TPRG1: variants seen among roughly 807,000 people sequenced by gnomAD.
The protein encoded by TPRG1 is tumor protein p63 regulated 1, also known as tumor protein p63-regulated gene 1 protein.
Under a neutral mutation model 29.3 loss-of-function variants are expected in TPRG1, and 29 were observed. That is an observed-to-expected ratio of 0.99 (90% confidence interval 0.74 to 1.35). TPRG1 has a LOEUF of 1.35. TPRG1 is among the 40% of genes most tolerant of loss of function. TPRG1 has a pLI of 0.00. For missense variants in TPRG1, 327 were observed against 335.0 expected, an observed-to-expected ratio of 0.98 and a Z score of 0.19; for synonymous variants, 130 against 116.8, an observed-to-expected ratio of 1.11 and a Z score of -0.73.
At chr3:189,082,601 C>A (rs1717665985) in intron 4 of TPRG1, among the ~76,000 whole-genome samples, 1 of 152,180 alleles carries the variant, frequency 6.6e-6, no homozygotes, top group African/African-American at 2.4e-5. Context: ...TGACATCTTA[C>A]ACTTGAGCAA....
At chr3:189,060,720 A>G (rs574421757) in intron 4 of TPRG1, among the ~76,000 whole-genome samples, 7 of 152,338 alleles carry the variant, frequency 4.6e-5, no homozygotes, top group African/African-American at 1.4e-4. Flanking sequence ...TAAAATACCT[A>G]GGAATACAGC....
At chr3:189,092,949 CTAATTTGCTGAAATT>C (rs1718433691) in intron 4 of TPRG1, among the ~76,000 whole-genome samples, 1 of 152,126 alleles carries the variant, frequency 6.6e-6, no homozygotes, top group Non-Finnish European at 1.5e-5. Flanking sequence ...TTAGTGTTCT[CTAATTTGCTGAAATT>C]GATGAGCATG....
intron 1 of TPRG1, among the ~76,000 whole-genome samples, chr3:189,111,520 A>G (rs1036299782): frequency 2.0e-5 from 3 of 152,100 alleles, no homozygotes; most frequent in African/African-American, 7.2e-5. Context: ...CTGAATGTAT[A>G]TTGCTTTCAC....
chr3:189,186,409 G>A (rs1287689330), intron 1 of TPRG1, among the ~76,000 whole-genome samples: 1 of 152,050 alleles, frequency 6.6e-6, no homozygotes, highest in Non-Finnish European at 1.5e-5. Flanking sequence ...ACCATTCGAT[G>A]TTTTTTTCCT....
intron 4 of TPRG1, among the ~76,000 whole-genome samples, chr3:189,071,252 G>A (rs1203374455): frequency 2.0e-5 from 3 of 151,888 alleles, no homozygotes; most frequent in Admixed American, 2.0e-4. Context: ...TTTCCATGTG[G>A]GAACTTAAAG....
chr3:189,057,749 C>CATATATATAT (rs370520919), intron 4 of TPRG1, among the ~76,000 whole-genome samples: 3 of 141,852 alleles, frequency 2.1e-5, no homozygotes, highest in African/African-American at 5.2e-5. Context: ...TATATATATA[C>CATATATATAT]ATATATATAT....
At chr3:189,246,105 G>A (rs562821225) in intron 4 of TPRG1, among the ~76,000 whole-genome samples, 1 of 152,228 alleles carries the variant, frequency 6.6e-6, no homozygotes, top group African/African-American at 2.4e-5. Flanking sequence ...GGAGGTAATA[G>A]AATCATGGGG....
chr3:189,265,147 A>G (rs1713838083), intron 4 of TPRG1, among the ~76,000 whole-genome samples: 1 of 152,218 alleles, frequency 6.6e-6, no homozygotes, highest in Admixed American at 6.5e-5. Flanking sequence ...TTTGATTTGT[A>G]TATGAATAAG....
intron 1 of TPRG1, among the ~76,000 whole-genome samples, chr3:189,103,209 A>G (rs1273504493): frequency 6.6e-6 from 1 of 152,224 alleles, no homozygotes; most frequent in Non-Finnish European, 1.5e-5. Flanking sequence ...GAACAGAAGC[A>G]TGCCCATTCA....
At chr3:189,291,827 G>A (rs1576981088) in intron 4 of TPRG1, among the ~76,000 whole-genome samples, 3 of 152,212 alleles carry the variant, frequency 2.0e-5, no homozygotes, top group Admixed American at 2.0e-4. Context: ...ATTGGGAGAT[G>A]AACAAACTGA....
intron 4 of TPRG1, among the ~76,000 whole-genome samples, chr3:189,047,287 T>C (rs984766316): frequency 2.0e-5 from 3 of 152,214 alleles, no homozygotes; most frequent in African/African-American, 7.2e-5. Context: ...TTCCAGTGCA[T>C]ATAAAAGTTA....
At position 189,116,617 on chromosome 3, in the gene TPRG1, A is replaced by G. The variant is rs1055541039; in HGVS notation, c.-743-10440A>G. Among the ~76,000 whole-genome samples, 50 of 152,268 alleles carry G rather than the reference A, an allele frequency of 3.3e-4. 3 individuals are homozygous for G. Among genetic ancestry groups the G allele is most frequent in the Admixed American group, 6.5e-5 (1 of 15,290 alleles). On this transcript the variant is annotated intron_variant, in intron 1 of 6. Coordinates refer to the TPRG1 transcript ENST00000412373. ...AATAGTATTCAGCCTTAAAAAGGAAAGAAATTCTGACATTTGCTATGACTT... is the reference window on the plus strand; with the variant it reads ...AATAGTATTCAGCCTTAAAAAGGAAGGAAATTCTGACATTTGCTATGACTT...
chr3:189,199,353 A>T (rs1274321134), intron 1 of TPRG1, among the ~76,000 whole-genome samples: 3 of 152,252 alleles, frequency 2.0e-5, no homozygotes, highest in African/African-American at 4.8e-5. Flanking sequence ...CTGAAGAAAA[A>T]TTAATCAAAT....
intron 4 of TPRG1, among the ~76,000 whole-genome samples, chr3:189,057,812 ATG>A (rs1188326091): frequency 3.7e-4 from 53 of 144,090 alleles, no homozygotes; most frequent in African/African-American, 1.3e-3. Flanking sequence ...ATGTATATAT[ATG>A]TGTGTATATA....
chr3:189,165,399 T>C (rs982987939), intron 5 of TPRG1, among the ~76,000 whole-genome samples: 2 of 103,496 alleles, frequency 1.9e-5, no homozygotes, highest in Non-Finnish European at 4.6e-5. Context: ...ACTGTCACGA[T>C]AGATGGAGAA....
At chr3:189,262,452 C>T (rs1713287100) in intron 4 of TPRG1, among the ~76,000 whole-genome samples, 1 of 152,020 alleles carries the variant, frequency 6.6e-6, no homozygotes, top group Non-Finnish European at 1.5e-5. Flanking sequence ...CAAGTGTCAT[C>T]TGTTGAGCAC....
At chr3:189,315,600 T>G (rs963401762) in intron 5 of TPRG1, 1 of 409,296 alleles carries the variant, frequency 2.4e-6, no homozygotes, top group Non-Finnish European at 4.9e-6. Context: ...AGACCAACCA[T>G]TTGTACTCTT....
At chr3:189,112,044 CTATT>C (rs1464462406) in intron 1 of TPRG1, among the ~76,000 whole-genome samples, 1 of 152,014 alleles carries the variant, frequency 6.6e-6, no homozygotes, top group Non-Finnish European at 1.5e-5. Flanking sequence ...TTCTTTGTGT[CTATT>C]GATATGATCA....
At chr3:189,226,160 A>C (rs1475816274) in intron 3 of TPRG1, among the ~76,000 whole-genome samples, 1 of 152,232 alleles carries the variant, frequency 6.6e-6, no homozygotes, top group African/African-American at 2.4e-5. Flanking sequence ...GACCTAATTA[A>C]TATTTATGGA....
Sources: allele counts gnomAD v4.1 joint callset (sites outside exome capture counted in the v4.1 genomes callset), GRCh38; gene constraint gnomAD v4.1.1; transcripts MANE v1.5; gene names NCBI Gene and HGNC (gene_info 2026-07-23, HGNC 2026-07-21).